Variants in GALNT17 observed in about 807,000 individuals in gnomAD.
GALNT17 encodes polypeptide N-acetylgalactosaminyltransferase 17, also known as UDP-GalNAc:polypeptide N-acetylgalactosaminyltransferase-like 3.
A neutral mutation model predicts 63.7 loss-of-function variants in GALNT17; 29 were observed. That is an observed-to-expected ratio of 0.46 (90% CI 0.34 to 0.62). GALNT17 has a LOEUF of 0.62. Ranked by LOEUF, GALNT17 falls within the 20% of genes least tolerant of loss-of-function variation. The pLI is 0.01. For missense variants in GALNT17, 603 were observed against 799.6 expected (o/e 0.75, Z 2.97); for synonymous variants, 305 against 318.3 (o/e 0.96, Z 0.45).
At chr7:71,397,236 G>T (rs1793154001) in intron 3 of GALNT17, among the ~76,000 whole-genome samples, 1 of 152,066 alleles carries the variant, frequency 6.6e-6, no homozygotes, top group African/African-American at 2.4e-5. Context: ...AGCCTCTTCT[G>T]GAGAAGACGG....
intron 5 of GALNT17, among the ~76,000 whole-genome samples, chr7:71,436,306 A>G (rs1786962473): frequency 6.6e-6 from 1 of 152,192 alleles, no homozygotes; most frequent in Non-Finnish European, 1.5e-5. Context: ...ATTCCACTGC[A>G]CACCAGCCTT....
intron 3 of GALNT17, among the ~76,000 whole-genome samples, chr7:71,403,970 T>C (rs1042363614): frequency 6.6e-6 from 1 of 152,146 alleles, no homozygotes; most frequent in Non-Finnish European, 1.5e-5. Flanking sequence ...TGTAGACAAA[T>C]TTGATTGCTG....
chr7:71,193,328 G>A (rs1167860622), intron 1 of GALNT17, among the ~76,000 whole-genome samples: 1 of 151,962 alleles, frequency 6.6e-6, no homozygotes, highest in Non-Finnish European at 1.5e-5. Context: ...TCAGGCTCCT[G>A]GCCTCAAGCC....
intron 5 of GALNT17, among the ~76,000 whole-genome samples, chr7:71,486,388 T>A (rs533859662): frequency 7.2e-6 from 1 of 139,266 alleles, no homozygotes; most frequent in Admixed American, 7.4e-5. Flanking sequence ...ATAATAATAA[T>A]AGTAAATAAT....
Position 71,421,025 on chromosome 7 carries a change from G to T in GALNT17, c.882G>T (p.Gly294=). Residue 294 remains glycine (G), a synonymous_variant, in exon 5 of 11, where the codon GGG becomes GGT. Transcript: ENST00000333538. The part of the protein sequence containing the change: ...EVQRYENSAH[G]YSWELWCMYI... Reference sequence around the variant, plus strand: ...AGCGGTACGAGAACTCGGCCCACGGGTACAGCTGGGAGCTGTGGTGCATGT... The same window carrying T: ...AGCGGTACGAGAACTCGGCCCACGGTTACAGCTGGGAGCTGTGGTGCATGT... 1 of 1,614,152 alleles carries T rather than the reference G, an allele frequency of 6.2e-7. No individual in the cohort carries two copies. Among genetic ancestry groups the T allele is most frequent in the Non-Finnish European group, 8.5e-7 (1 of 1,180,022 alleles).
At chr7:71,310,363 C>T (rs7805146) in intron 1 of GALNT17, among the ~76,000 whole-genome samples, 17,520 of 152,198 alleles carry the variant, frequency 0.12, 2,622 homozygotes, top group African/African-American at 0.35. Flanking sequence ...TCAATGGCAT[C>T]GTCTTTGTAA....
chr7:71,490,558 G>A (rs1166706650), intron 5 of GALNT17, among the ~76,000 whole-genome samples: 1 of 152,188 alleles, frequency 6.6e-6, no homozygotes, highest in African/African-American at 2.4e-5. Context: ...TGAGGCAGAA[G>A]GGTCCCTTGA....
intron 6 of GALNT17, among the ~76,000 whole-genome samples, chr7:71,623,606 C>T (rs796651820): frequency 2.6e-5 from 4 of 151,812 alleles, no homozygotes; most frequent in African/African-American, 9.7e-5. Context: ...TTAACCTTGC[C>T]CAGGCTGGAG....
At chr7:71,556,734 T>A (rs1218463227) in intron 5 of GALNT17, among the ~76,000 whole-genome samples, 1 of 151,774 alleles carries the variant, frequency 6.6e-6, no homozygotes, top group Non-Finnish European at 1.5e-5. Flanking sequence ...TATTTTGTTT[T>A]GTTTTGTTTT....
intron 1 of GALNT17, among the ~76,000 whole-genome samples, chr7:71,323,120 G>A (rs1386138314): frequency 2.0e-5 from 3 of 151,998 alleles, no homozygotes; most frequent in Admixed American, 6.5e-5. Flanking sequence ...GATATGTCTT[G>A]ATAATGTCTT....
intron 1 of GALNT17, among the ~76,000 whole-genome samples, chr7:71,331,455 C>T (rs571397287): frequency 3.3e-4 from 50 of 152,244 alleles, no homozygotes; most frequent in African/African-American, 1.1e-3. Flanking sequence ...CGCCTGTAAT[C>T]CCAGCATTTT....
chr7:71,644,543 A>AAC (rs1790648028), intron 6 of GALNT17, among the ~76,000 whole-genome samples: 1 of 132,860 alleles, frequency 7.5e-6, no homozygotes, highest in African/African-American at 3.5e-5. Context: ...AAAAAAAAAA[A>AAC]AAAAAACAAA....
In GALNT17 at chr7:71,193,047, G is replaced by C. The variant is rs191272078; in HGVS notation, c.238+60007G>C. ...AGAGTCTTTGAGAGAATGCATCTTG[G>C]TCTTTAACCATCATCTACCATTTAT... is the stretch of plus-strand genomic sequence containing the variant. On this transcript the variant is annotated intron_variant, in intron 1 of 10. Transcript: ENST00000333538. 2.2e-3 allele frequency among the ~76,000 whole-genome samples: 328 copies of C among 151,206 alleles called. 1 individual carries two copies. Among genetic ancestry groups the C allele is most frequent in the Non-Finnish European group, 3.9e-3 (262 of 67,672 alleles).
chr7:71,369,811 CAAA>C (rs763387719), intron 2 of GALNT17, among the ~76,000 whole-genome samples: 10,126 of 71,874 alleles, frequency 0.14, 388 homozygotes, highest in East Asian at 0.29. Context: ...GGCTTTTTGT[CAAA>C]AAAAAAAAAA....
intron 1 of GALNT17, among the ~76,000 whole-genome samples, chr7:71,166,316 G>T (rs1788439892): frequency 6.6e-6 from 1 of 152,044 alleles, no homozygotes; most frequent in Admixed American, 6.6e-5. Context: ...TATTTACTTG[G>T]GCTTTAAGTT....
At chr7:71,693,231 CATATATACACATAT>C (rs1791483486) in intron 9 of GALNT17, among the ~76,000 whole-genome samples, 2 of 140,642 alleles carry the variant, frequency 1.4e-5, no homozygotes, top group Non-Finnish European at 3.0e-5. Flanking sequence ...TACATGTATA[CATATATACACATAT>C]ATATACACAC....
chr7:71,606,284 G>T (rs536296954), intron 6 of GALNT17, among the ~76,000 whole-genome samples: 1 of 152,214 alleles, frequency 6.6e-6, no homozygotes. Context: ...TATGGACTGT[G>T]ACTATTTTGA....
chr7:71,612,226 A>G (rs1790136524), intron 6 of GALNT17, among the ~76,000 whole-genome samples: 1 of 152,130 alleles, frequency 6.6e-6, no homozygotes, highest in Admixed American at 6.6e-5. Context: ...ATTGACCCGA[A>G]TGCTTTGGAT....
At chr7:71,333,153 C>T (rs1489609530) in intron 1 of GALNT17, among the ~76,000 whole-genome samples, 1 of 152,234 alleles carries the variant, frequency 6.6e-6, no homozygotes, top group Non-Finnish European at 1.5e-5. Context: ...TGTCCATTTT[C>T]TCCCCAAGTT....
Sources: allele counts gnomAD v4.1 joint callset (sites outside exome capture counted in the v4.1 genomes callset), GRCh38; gene constraint gnomAD v4.1.1; transcripts MANE v1.5; gene names NCBI Gene and HGNC (gene_info 2026-07-23, HGNC 2026-07-21).